NRG1: variants seen among roughly 807,000 people sequenced by gnomAD.
NRG1 encodes the protein pro-neuregulin-1, membrane-bound isoform.
In NRG1, 18 loss-of-function variants were observed where a neutral mutation model predicts 63.8. The ratio of observed to expected loss-of-function variants is 0.28; its 90% CI spans 0.19 to 0.42. NRG1 has a LOEUF of 0.42. Among genes scored for constraint, NRG1 ranks in the 10% least tolerant of loss-of-function variants. NRG1 has a pLI of 1.00. For missense variants in NRG1, 762 were observed against 814.7 expected (o/e 0.94, Z 0.79); for synonymous variants, 302 against 301.3 (o/e 1.00, Z -0.02).
chr8:31,815,702 C>A (rs1289108949), intron 1 of NRG1, among the ~76,000 whole-genome samples: 2 of 152,160 alleles, frequency 1.3e-5, no homozygotes, highest in Non-Finnish European at 2.9e-5. Flanking sequence ...ATTTTGCATT[C>A]CCACCAACAA....
rs539968518 is a variant in NRG1, at chr8:31,665,894, G to A, written c.37+26463G>A. On this transcript the variant is annotated intron_variant, in intron 1 of 10. Transcript: ENST00000519301. ...AGCAGAGCATGAACTCTGCTGAAAGGAATTTCAGTTACACCGCTACTGCCA... is the reference window on the plus strand; with the variant it reads ...AGCAGAGCATGAACTCTGCTGAAAGAAATTTCAGTTACACCGCTACTGCCA... Among the ~76,000 whole-genome samples, 156 of 152,184 alleles carry A rather than the reference G, an allele frequency of 1.0e-3. 1 individual carries two copies. The highest frequency in any genetic ancestry group is 4.6e-3 in the South Asian group (22 of 4,820).
At chr8:32,321,863 C>A (rs199999013) in intron 1 of NRG1, among the ~76,000 whole-genome samples, 1 of 133,294 alleles carries the variant, frequency 7.5e-6, no homozygotes, top group East Asian at 2.6e-4. Context: ...TTTTTTTTTT[C>A]TATTATATAA....
chr8:32,476,664 C>T (rs1824561433), intron 1 of NRG1, among the ~76,000 whole-genome samples: 1 of 152,156 alleles, frequency 6.6e-6, no homozygotes, highest in Non-Finnish European at 1.5e-5. Context: ...TGCCAATGAT[C>T]CCAGCATTTG....
At chr8:32,419,556 A>T (rs1404730170) in intron 1 of NRG1, among the ~76,000 whole-genome samples, 1 of 152,216 alleles carries the variant, frequency 6.6e-6, no homozygotes, top group Non-Finnish European at 1.5e-5. Flanking sequence ...TTAGATAATA[A>T]AGGTAAAAGA....
intron 1 of NRG1, among the ~76,000 whole-genome samples, chr8:32,019,633 T>C (rs1292954049): frequency 6.6e-6 from 1 of 152,248 alleles, no homozygotes; most frequent in Non-Finnish European, 1.5e-5. Flanking sequence ...AAGATATTTT[T>C]CTACTCTTCT....
At chr8:32,488,309 C>T (rs1206350715) in intron 1 of NRG1, among the ~76,000 whole-genome samples, 2 of 152,160 alleles carry the variant, frequency 1.3e-5, no homozygotes, top group Admixed American at 1.3e-4. Flanking sequence ...TGAGCAAGTA[C>T]ACTGCCAGAG....
At chr8:32,385,137 A>G (rs759401284) in intron 1 of NRG1, among the ~76,000 whole-genome samples, 34 of 151,968 alleles carry the variant, frequency 2.2e-4, no homozygotes, top group Admixed American at 1.4e-3. Flanking sequence ...CTCCTGCCTC[A>G]GCCTCCCGAG....
intron 1 of NRG1, among the ~76,000 whole-genome samples, chr8:32,078,150 T>A (rs1826891984): frequency 6.6e-6 from 1 of 152,204 alleles, no homozygotes; most frequent in South Asian, 2.1e-4. Flanking sequence ...AAATGCGACC[T>A]CCTCATGTTG....
intron 1 of NRG1, among the ~76,000 whole-genome samples, chr8:32,495,218 G>T (rs112262740): frequency 6.6e-6 from 1 of 152,168 alleles, no homozygotes; most frequent in East Asian, 1.9e-4. Flanking sequence ...CCCGTCGGAG[G>T]TAATTGAATC....
At chr8:32,192,970 C>T (rs944467557) in intron 1 of NRG1, among the ~76,000 whole-genome samples, 13 of 151,904 alleles carry the variant, frequency 8.6e-5, no homozygotes, top group African/African-American at 2.2e-4. Flanking sequence ...GTAAGCTCAA[C>T]GGGGAGGAAT....
chr8:32,111,537 A>G (rs1832029482), intron 1 of NRG1, among the ~76,000 whole-genome samples: 1 of 152,218 alleles, frequency 6.6e-6, no homozygotes, highest in Admixed American at 6.5e-5. Flanking sequence ...CTTGTCTAGC[A>G]GACTTGCTAG....
intron 1 of NRG1, among the ~76,000 whole-genome samples, chr8:31,791,673 TC>T (rs1203704797): frequency 6.6e-6 from 1 of 152,190 alleles, no homozygotes; most frequent in Non-Finnish European, 1.5e-5. Flanking sequence ...GTTTTTCATT[TC>T]ACCTGCTGCT....
At chr8:31,699,157 T>C (rs1489313694) in intron 1 of NRG1, among the ~76,000 whole-genome samples, 1 of 151,638 alleles carries the variant, frequency 6.6e-6, no homozygotes, top group African/African-American at 2.4e-5. Flanking sequence ...TGACAGTTCT[T>C]GCATTCATCA....
intron 1 of NRG1, among the ~76,000 whole-genome samples, chr8:32,118,390 T>A (rs981081611): frequency 6.6e-6 from 1 of 152,054 alleles, no homozygotes; most frequent in African/African-American, 2.4e-5. Context: ...CTCCATGTGA[T>A]CTCTGCACAC....
chr8:32,180,011 T>A (rs542975159), intron 1 of NRG1, among the ~76,000 whole-genome samples: 1 of 152,314 alleles, frequency 6.6e-6, no homozygotes, highest in East Asian at 1.9e-4. Flanking sequence ...CTTCCATTTT[T>A]TAAACCTGAG....
Position 32,640,245 on chromosome 8 carries a change from TCACA to T in NRG1, c.502+23386_502+23389del, listed in dbSNP as rs111977984. Among the ~76,000 whole-genome samples, 989 of 147,630 alleles carry T rather than the reference TCACA, an allele frequency of 6.7e-3. 4 individuals are homozygous for T. Among genetic ancestry groups the T allele is most frequent in the East Asian group, 0.02 (99 of 4,942 alleles). ...TTTCTTTTGTTTTTTCTTCTTTTTG[TCACA>T]CACACACACACACACACACACACAC... is the stretch of plus-strand genomic sequence containing the variant. On this transcript the variant is annotated intron_variant, in intron 5 of 11. Transcript: ENST00000356819.
At chr8:32,439,996 T>C (rs1819325010) in intron 1 of NRG1, among the ~76,000 whole-genome samples, 1 of 152,058 alleles carries the variant, frequency 6.6e-6, no homozygotes, top group Non-Finnish European at 1.5e-5. Context: ...TGTAATTTAT[T>C]AGGAAAGCAG....
intron 1 of NRG1, among the ~76,000 whole-genome samples, chr8:32,108,686 G>T (rs1831598877): frequency 6.6e-6 from 1 of 152,012 alleles, no homozygotes; most frequent in Admixed American, 6.6e-5. Flanking sequence ...TGACACAAGA[G>T]AAGTGAGAGT....
chr8:32,242,189 G>A (rs117913984), intron 1 of NRG1, among the ~76,000 whole-genome samples: 6,980 of 152,114 alleles, frequency 0.046, 236 homozygotes, highest in South Asian at 0.093. Flanking sequence ...ATAAGAACAC[G>A]CCTAGGCCAG....
Sources: gnomAD v4.1 joint callset for allele counts (sites outside exome capture counted in the v4.1 genomes callset) on GRCh38, gnomAD v4.1.1 for gene constraint, MANE v1.5 for transcripts, NCBI Gene and HGNC (gene_info 2026-07-23, HGNC 2026-07-21) for gene names.